The following NBR1 variants were observed in gnomAD, a reference collection of about 807,000 sequenced individuals.
NBR1 encodes the protein next to BRCA1 gene 1 protein.
Under a neutral mutation model 115.5 loss-of-function variants are expected in NBR1, and 59 were observed. That is an observed-to-expected ratio of 0.51 (90% CI 0.41 to 0.63). The LOEUF (loss-of-function observed/expected upper bound fraction) is 0.63, where lower values mean the gene tolerates loss of function less well. Among genes scored for constraint, NBR1 ranks in the 30% least tolerant of loss-of-function variants. NBR1 has a pLI of 0.00. For missense variants in NBR1, 1,043 were observed against 1,150.5 expected (o/e 0.91, Z 1.35); for synonymous variants, 373 against 414.7 (o/e 0.90, Z 1.22).
intron 1 of NBR1, among the ~76,000 whole-genome samples, chr17:43,174,000 TA>T (rs2056443882): frequency 6.6e-6 from 1 of 152,124 alleles, no homozygotes; most frequent in Non-Finnish European, 1.5e-5. Context: ...AATCCTTAAT[TA>T]AAAACATAAT....
Position 43,200,321 on chromosome 17 carries a change from T to G in NBR1, c.2181T>G (p.Ala727=). The change falls in exon 17 of 21, where the codon GCT becomes GCG. Residue 727 remains alanine, a synonymous_variant. Coordinates refer to ENST00000590996, the MANE Select transcript of NBR1 (RefSeq NM_005899.5). The stretch of plus-strand genomic sequence containing the variant: ...ATGAAGTTCAAAGTCAGTCCTCTGC[T>G]TCCTCAGAGGATTACATCATCATCC... ...LKDEVQSQSS[A]SSEDYIIILP... 1 of 1,552,472 alleles carries G rather than the reference T, an allele frequency of 6.4e-7. No individual in the cohort carries two copies. Among genetic ancestry groups the G allele is most frequent in the Non-Finnish European group, 8.7e-7 (1 of 1,147,356 alleles).
chr17:43,203,894 G>A, intron 20 of NBR1, 108 bp downstream of exon 20: 1 of 590,996 alleles, frequency 1.7e-6, no homozygotes, highest in Non-Finnish European at 2.8e-6. Flanking sequence ...AAGGGCATAG[G>A]CTTTAGATTT....
chr17:43,206,649 C>T (rs1286542884), intron 20 of NBR1, among the ~76,000 whole-genome samples: 10 of 142,708 alleles, frequency 7.0e-5, no homozygotes, highest in South Asian at 6.8e-4. Flanking sequence ...AGCGAGACTC[C>T]GTCTCAAAAA....
chr17:43,202,213 C>T (rs911353428), intron 18 of NBR1, among the ~76,000 whole-genome samples: 3 of 150,776 alleles, frequency 2.0e-5, no homozygotes, highest in Non-Finnish European at 3.0e-5. Context: ...CCTTCACTCT[C>T]TCCATGCTCC....
In NBR1 at chr17:43,173,064, G is replaced by A. The variant is rs553819917; in HGVS notation, c.-10+1762G>A. 2.8e-4 allele frequency among the ~76,000 whole-genome samples: 43 copies of A among 152,236 alleles called. No homozygotes were observed. In the East Asian group the frequency reaches 7.5e-3, roughly 27 times the overall value. Reference sequence around the variant, plus strand: ...GATGGTCTCGATCTCCTGACCTCGTGATCCACCCACCTCGGCCTCCCAAAG... The same window carrying A: ...GATGGTCTCGATCTCCTGACCTCGTAATCCACCCACCTCGGCCTCCCAAAG... On this transcript the variant is annotated intron_variant, in intron 1 of 20. Coordinates refer to ENST00000590996, the MANE Select transcript of NBR1 (RefSeq NM_005899.5).
At chr17:43,190,143 G>A in intron 8 of NBR1, 1 of 302,876 alleles carries the variant, frequency 3.3e-6, no homozygotes, top group South Asian at 3.5e-5. Flanking sequence ...AGGCTGGAGT[G>A]CAGGGTGCAA....
chr17:43,205,185 C>G (rs1417675209), intron 20 of NBR1, among the ~76,000 whole-genome samples: 2 of 152,054 alleles, frequency 1.3e-5, no homozygotes, highest in Admixed American at 6.5e-5. Context: ...GAAACCCCGT[C>G]TCTACTAAAA....
At chr17:43,192,225 G>A (rs759878296) in intron 10 of NBR1, among the ~76,000 whole-genome samples, 1 of 151,184 alleles carries the variant, frequency 6.6e-6, no homozygotes, top group Non-Finnish European at 1.5e-5. Context: ...GTTTCATCCT[G>A]TTGGTCAGGC....
At chr17:43,177,787 T>A (rs1400553187) in intron 2 of NBR1, 149 bp from the exon 3 acceptor site, 2 of 540,680 alleles carry the variant, frequency 3.7e-6, no homozygotes, top group Non-Finnish European at 2.9e-6. Context: ...TTAGCAGTTT[T>A]GCTGGTACTC....
chr17:43,189,741 A>C lies in NBR1; in HGVS notation c.634A>C (p.Ser212Arg), dbSNP rs1424079303. 6.2e-7 allele frequency: 1 copy of C among 1,613,910 alleles called. No individual in the cohort carries two copies. Among genetic ancestry groups the C allele is most frequent in the Non-Finnish European group, 8.5e-7 (1 of 1,179,900 alleles). The change falls in exon 8 of 21, where the codon AGC becomes CGC. Residue 212 changes from serine to arginine, a missense_variant. By Grantham distance (110) the Ser-to-Arg change is moderately radical (BLOSUM62 -1). Coordinates refer to ENST00000590996, the MANE Select transcript of NBR1 (RefSeq NM_005899.5). ...ATTGTTTTTGCCAGAAAACCAGTTC[A>C]GCTGGCATATTGCTTGCAACAACTG... ...ETLFLPENQF[S>R]WHIACNNCQR...
At chr17:43,178,366 C>CT (rs35971878) in intron 3 of NBR1, among the ~76,000 whole-genome samples, 40 of 139,522 alleles carry the variant, frequency 2.9e-4, no homozygotes, top group Admixed American at 4.3e-4. Context: ...CTGAGAGAAC[C>CT]TTTTTTTTTT....
In NBR1 at chr17:43,190,785, C is replaced by T; in HGVS notation, c.863+9C>T. On this transcript the variant is annotated intron_variant, in intron 9 of 20. Transcript: ENST00000590996. Reference sequence around the variant, plus strand: ...GCTCTGGAACAAGTCAGGTAAAACCCTCTACATGGAGATGCTTATTCTCTG... The same window carrying T: ...GCTCTGGAACAAGTCAGGTAAAACCTTCTACATGGAGATGCTTATTCTCTG... 6.3e-7 allele frequency: 1 copy of T among 1,579,198 alleles called. No individual in the cohort carries two copies. The highest frequency in any genetic ancestry group is 8.6e-7 in the Non-Finnish European group (1 of 1,161,446).
intron 8 of NBR1, chr17:43,190,110 T>G (rs77322806): frequency 3.2e-6 from 1 of 315,066 alleles, no homozygotes; most frequent in Non-Finnish European, 6.0e-6. Context: ...TTTTTTTTTT[T>G]GGTGACAGGG....
In NBR1 at chr17:43,193,091, C is replaced by G; in HGVS notation, c.1074-3C>G. 1 of 1,612,910 alleles carries G rather than the reference C, an allele frequency of 6.2e-7. No homozygotes were observed. The highest frequency in any genetic ancestry group is 8.5e-7 in the Non-Finnish European group (1 of 1,179,298). ...GTGACTAAGCATCTGAATTTCTGTT[C>G]AGGCTCCCTTTGCAGCCCTGTACCT... On this transcript the variant is annotated splice_region_variant and splice_polypyrimidine_tract_variant and intron_variant, in intron 10 of 20. Transcript: ENST00000590996.
At chr17:43,190,301 A>G in intron 8 of NBR1, 1 of 383,624 alleles carries the variant, frequency 2.6e-6, no homozygotes. Flanking sequence ...AAACTACTGG[A>G]CTCAAATGAT....
chr17:43,172,819 TTTA>T (rs1456344256), intron 1 of NBR1, among the ~76,000 whole-genome samples: 1 of 152,068 alleles, frequency 6.6e-6, no homozygotes, highest in Non-Finnish European at 1.5e-5. Context: ...TAAAGACTGG[TTTA>T]TTATTATTTA....
chr17:43,209,741 C>T, intron 20 of NBR1, 160 bp from the exon 21 acceptor site: 4 of 1,519,340 alleles, frequency 2.6e-6, no homozygotes, highest in Non-Finnish European at 3.5e-6. Context: ...CCGTTGGTAT[C>T]AAGTACACAG....
intron 1 of NBR1, among the ~76,000 whole-genome samples, chr17:43,175,017 T>G (rs2056472298): frequency 6.6e-6 from 1 of 151,500 alleles, no homozygotes; most frequent in African/African-American, 2.4e-5. Context: ...GAGAATGGCG[T>G]GAACCCAGGA....
At chr17:43,202,812 A>G (rs2057233334) in intron 19 of NBR1, 100 bp downstream of exon 19, 7 of 924,258 alleles carry the variant, frequency 7.6e-6, no homozygotes, top group South Asian at 1.5e-5. Context: ...ATCTTCAGAG[A>G]GCAGAGAAGG....
Sources: gnomAD v4.1 joint callset for allele counts (sites outside exome capture counted in the v4.1 genomes callset) on GRCh38, gnomAD v4.1.1 for gene constraint, MANE v1.5 for transcripts, NCBI Gene and HGNC (gene_info 2026-07-23, HGNC 2026-07-21) for gene names.